Variants in FGF12 observed in about 807,000 individuals in gnomAD.
The protein encoded by FGF12 is fibroblast growth factor 12, also known as fibroblast growth factor 12B.
FGF12 carries 14 observed loss-of-function variants against 23.6 expected under a neutral mutation model. The ratio of observed to expected loss-of-function variants is 0.59; its 90% CI spans 0.39 to 0.93. The LOEUF is 0.93. FGF12 is among the 40% of genes least tolerant of loss of function. The pLI is 0.00. For missense variants in FGF12, 175 were observed against 217.8 expected, an observed-to-expected ratio of 0.80 and a Z score of 1.24; for synonymous variants, 62 against 77.3, an observed-to-expected ratio of 0.80 and a Z score of 1.04.
At chr3:192,416,936 T>C (rs1181748732) in intron 2 of FGF12, among the ~76,000 whole-genome samples, 1 of 152,136 alleles carries the variant, frequency 6.6e-6, no homozygotes, top group African/African-American at 2.4e-5. Context: ...TATAAGAATA[T>C]TTCTTTAAAC....
chr3:192,656,540 G>T (rs1266564098), intron 2 of FGF12, among the ~76,000 whole-genome samples: 3 of 152,104 alleles, frequency 2.0e-5, no homozygotes, highest in Non-Finnish European at 2.9e-5. Context: ...TATAACTGGG[G>T]TGGGAGGAGG....
rs895572141 is a variant in FGF12, at chr3:192,336,916, A to T, written c.125-1452T>A. Among the ~76,000 whole-genome samples, 1 of 152,192 alleles carries T rather than the reference A, an allele frequency of 6.6e-6. No individual in the cohort carries two copies. The highest frequency in any genetic ancestry group is 1.5e-5 in the Non-Finnish European group (1 of 68,036). Reference sequence around the variant, plus strand: ...CAGGATTCCATTCTTAGCTGTCGACATCGGATCAGTCCTTTTGCCTCTTTG... The same window carrying T: ...CAGGATTCCATTCTTAGCTGTCGACTTCGGATCAGTCCTTTTGCCTCTTTG... On this transcript the variant is annotated intron_variant, in intron 3 of 5. Transcript: ENST00000445105. The surrounding 1 kb of genome is among the most constrained non-coding windows in gnomAD (Gnocchi z 4.3).
intron 4 of FGF12, among the ~76,000 whole-genome samples, chr3:192,227,662 T>A (rs562794627): frequency 6.7e-6 from 1 of 150,266 alleles, no homozygotes; most frequent in African/African-American, 2.4e-5. Context: ...AGTAAGTATA[T>A]GAAATTGAAG....
chr3:192,543,967 C>T (rs980011298), intron 2 of FGF12, among the ~76,000 whole-genome samples: 1 of 152,206 alleles, frequency 6.6e-6, no homozygotes, highest in African/African-American at 2.4e-5. Context: ...GCAAGCTACA[C>T]TGCCTGGGGC....
In FGF12 at chr3:192,367,865, G is replaced by A. The variant is rs549148842; in HGVS notation, c.14-7327C>T. On this transcript the variant is annotated intron_variant, in intron 2 of 5. Coordinates refer to ENST00000445105, the MANE Select transcript of FGF12 (RefSeq NM_004113.6). ...ATCTCCCCATTGGTCAAATGAAGAC[G>A]AGAGACACCATCAGCAGCTACCTTG... Among the ~76,000 whole-genome samples the A allele has an allele frequency of 1.2e-3, 185 of 152,242 alleles. No homozygotes were observed. The Middle Eastern group carries it at 0.017, about 14-fold the overall frequency.
intron 3 of FGF12, among the ~76,000 whole-genome samples, chr3:192,348,257 A>G (rs1309738518): frequency 6.6e-6 from 1 of 152,136 alleles, no homozygotes; most frequent in Non-Finnish European, 1.5e-5. Context: ...ATGTCAAGGG[A>G]AGCAGATGTA....
chr3:192,515,077 T>C (rs1331301003), intron 2 of FGF12: 1 of 154,450 alleles, frequency 6.5e-6, no homozygotes, highest in Non-Finnish European at 1.4e-5. Flanking sequence ...TGCGGGTCGG[T>C]GCTTCCTTAC....
chr3:192,377,321 T>A (rs1170852997), intron 2 of FGF12, among the ~76,000 whole-genome samples: 1 of 152,190 alleles, frequency 6.6e-6, no homozygotes, highest in Non-Finnish European at 1.5e-5. Flanking sequence ...ATTCTAGTAA[T>A]CGCCACCTGA....
chr3:192,325,266 T>G (rs1716758230), intron 4 of FGF12, among the ~76,000 whole-genome samples: 1 of 152,138 alleles, frequency 6.6e-6, no homozygotes, highest in South Asian at 2.1e-4. Context: ...TAGATAATCC[T>G]TTTCCAAGTG....
At chr3:192,562,560 A>T (rs1712088401) in intron 2 of FGF12, among the ~76,000 whole-genome samples, 1 of 152,140 alleles carries the variant, frequency 6.6e-6, no homozygotes, top group African/African-American at 2.4e-5. Flanking sequence ...ATTAATAAAT[A>T]AAAAAATTAT....
intron 4 of FGF12, among the ~76,000 whole-genome samples, chr3:192,230,750 A>G (rs1301989203): frequency 6.6e-6 from 1 of 152,040 alleles, no homozygotes; most frequent in Non-Finnish European, 1.5e-5. Flanking sequence ...TTACTGTCAT[A>G]GGGTAACAGT....
chr3:192,599,637 T>A (rs1042403457), intron 2 of FGF12, among the ~76,000 whole-genome samples: 1 of 152,104 alleles, frequency 6.6e-6, no homozygotes, highest in Non-Finnish European at 1.5e-5. Context: ...GAAGATTTAC[T>A]CATTTATTAA....
At chr3:192,234,738 A>G (rs1719194075) in intron 4 of FGF12, among the ~76,000 whole-genome samples, 1 of 152,140 alleles carries the variant, frequency 6.6e-6, no homozygotes, top group Non-Finnish European at 1.5e-5. Context: ...GAGAGTTTTT[A>G]AAACAAAGGG....
At chr3:192,158,346 C>CTT (rs751150448) in intron 5 of FGF12, among the ~76,000 whole-genome samples, 1 of 93,328 alleles carries the variant, frequency 1.1e-5, no homozygotes, top group Non-Finnish European at 2.3e-5. Flanking sequence ...TTCTTTCTTT[C>CTT]TTTCTTTCTT....
At chr3:192,388,867 A>G (rs1478220333) in intron 2 of FGF12, among the ~76,000 whole-genome samples, 1 of 152,144 alleles carries the variant, frequency 6.6e-6, no homozygotes, top group Non-Finnish European at 1.5e-5. Flanking sequence ...CAAAATAAGC[A>G]AAAACTTTCA....
intron 2 of FGF12, among the ~76,000 whole-genome samples, chr3:192,398,817 G>A (rs1219961353): frequency 6.6e-6 from 1 of 152,216 alleles, no homozygotes; most frequent in African/African-American, 2.4e-5. Context: ...CTGTGAAACT[G>A]AGAAGCCCCA....
At chr3:192,497,082 A>G (rs1723980134) in intron 2 of FGF12, among the ~76,000 whole-genome samples, 1 of 152,114 alleles carries the variant, frequency 6.6e-6, no homozygotes, top group African/African-American at 2.4e-5. Flanking sequence ...TTTCTATTCA[A>G]TGTCTCTTCT....
At chr3:192,587,369 C>T (rs1387959587) in intron 2 of FGF12, among the ~76,000 whole-genome samples, 1 of 151,842 alleles carries the variant, frequency 6.6e-6, no homozygotes, top group Non-Finnish European at 1.5e-5. Flanking sequence ...GTGGAGCGGG[C>T]ACTCCTGGCA....
chr3:192,592,151 C>T (rs914941647), intron 2 of FGF12, among the ~76,000 whole-genome samples: 3 of 151,776 alleles, frequency 2.0e-5, no homozygotes, highest in African/African-American at 2.4e-5. Flanking sequence ...CCATTCAACT[C>T]GGGCCTGATA....
Sources: gnomAD v4.1 joint callset for allele counts (sites outside exome capture counted in the v4.1 genomes callset) on GRCh38, gnomAD v4.1.1 for gene constraint, Gnocchi (gnomAD v3.1) non-coding constraint, MANE v1.5 for transcripts, NCBI Gene and HGNC (gene_info 2026-07-23, HGNC 2026-07-21) for gene names.